Variants in TRERF1 observed in about 807,000 individuals in gnomAD.
TRERF1 encodes the protein transcriptional-regulating factor 1.
Under a neutral mutation model 122.9 loss-of-function variants are expected in TRERF1, and 27 were observed. That is an observed-to-expected ratio of 0.22 (90% CI 0.16 to 0.30). TRERF1 has a LOEUF of 0.30. Among genes scored for constraint, TRERF1 ranks in the 10% least tolerant of loss-of-function variants. The pLI is 1.00. For missense variants in TRERF1, 1,248 were observed against 1,560.3 expected (o/e 0.80, Z 3.37); for synonymous variants, 636 against 641.7 (o/e 0.99, Z 0.13).
chr6:42,341,488 G>A (rs770487864), intron 3 of TRERF1, among the ~76,000 whole-genome samples: 3 of 152,314 alleles, frequency 2.0e-5, no homozygotes, highest in South Asian at 4.1e-4. Flanking sequence ...GGTCTGCCCC[G>A]GAGTCTAAGG....
Position 42,276,557 on chromosome 6 carries a change from A to C in TRERF1, c.-258-6709T>G, listed in dbSNP as rs2149992293. Among the ~76,000 whole-genome samples, 1 of 152,302 alleles carries C rather than the reference A, an allele frequency of 6.6e-6. No individual in the cohort carries two copies. Among genetic ancestry groups the C allele is most frequent in the Middle Eastern group, 3.4e-3 (1 of 294 alleles). On this transcript the variant is annotated intron_variant, in intron 4 of 17. Coordinates refer to ENST00000372922, the Ensembl canonical transcript of TRERF1. The surrounding 1 kb of genome is among the most constrained non-coding windows in gnomAD (Gnocchi z 4.3). ...AGGCAGGAGCCAAGGGCGGCTCTCC[A>C]GGATGTGGGCCGCAGTTCGCCGTCT...
At chr6:42,277,974 A>AGAAGAAGAAGAAG (rs1161319382) in intron 4 of TRERF1, among the ~76,000 whole-genome samples, 2 of 147,002 alleles carry the variant, frequency 1.4e-5, no homozygotes, top group Non-Finnish European at 3.0e-5. Flanking sequence ...AAGAAGAAGA[A>AGAAGAAGAAGAAG]GACTGCAATA....
At chr6:42,381,479 C>G (rs890901837) in intron 2 of TRERF1, among the ~76,000 whole-genome samples, 3 of 152,014 alleles carry the variant, frequency 2.0e-5, no homozygotes, top group African/African-American at 7.3e-5. Context: ...CTTCACCTAA[C>G]GACTTCCTAG....
chr6:42,259,683 T>C lies in TRERF1; in HGVS notation c.1925A>G (p.Glu642Gly), dbSNP rs1377790314. 1.7e-5 allele frequency: 27 copies of C among 1,607,018 alleles called. No homozygotes were observed. Among genetic ancestry groups the C allele is most frequent in the Non-Finnish European group, 2.1e-5 (25 of 1,179,966 alleles). Residue 642 changes from glutamate (E) to glycine (G), a missense_variant, in exon 9 of 18, where the codon GAG (glutamate) becomes GGG (glycine). Glu to Gly is a moderately conservative substitution (Grantham distance 98). Coordinates refer to ENST00000372922, the Ensembl canonical transcript of TRERF1. The surrounding 1 kb of genome is among the most constrained non-coding windows in gnomAD (Gnocchi z 4.9). ...CTCCTGCACGGTCTTGAGGGGCTCCTCGGCTTTGGGCACACTCGGCTGATG... is the reference window on the plus strand; with the variant it reads ...CTCCTGCACGGTCTTGAGGGGCTCCCCGGCTTTGGGCACACTCGGCTGATG...
At chr6:42,233,575 A>G (rs112980673) in intron 16 of TRERF1, among the ~76,000 whole-genome samples, 7,298 of 152,058 alleles carry the variant, frequency 0.048, 385 homozygotes, top group African/African-American at 0.13. Context: ...GTGAGCCACC[A>G]CGCCTGGCCT....
At chr6:42,297,175 C>T (rs1039001771) in intron 4 of TRERF1, among the ~76,000 whole-genome samples, 8 of 152,198 alleles carry the variant, frequency 5.3e-5, no homozygotes, top group African/African-American at 1.7e-4. Flanking sequence ...AATTCCTGCC[C>T]TCCTGACTAT....
At chr6:42,437,043 G>GTCA (rs376587279) in intron 2 of TRERF1, among the ~76,000 whole-genome samples, 1 of 151,976 alleles carries the variant, frequency 6.6e-6, no homozygotes, top group East Asian at 1.9e-4. Flanking sequence ...CCATAAATAC[G>GTCA]TCATCATCAT....
intron 2 of TRERF1, among the ~76,000 whole-genome samples, chr6:42,405,547 C>A (rs750787864): frequency 3.3e-5 from 5 of 152,144 alleles, no homozygotes; most frequent in East Asian, 1.9e-4. Flanking sequence ...GTAATCCCAG[C>A]ATTTTGGGAG....
chr6:42,416,141 G>A (rs1050714486), intron 2 of TRERF1, among the ~76,000 whole-genome samples: 3 of 151,482 alleles, frequency 2.0e-5, no homozygotes, highest in African/African-American at 7.3e-5. Flanking sequence ...ACTGATTTTT[G>A]TGCATTAACT....
chr6:42,315,222 G>A (rs1762284566), intron 3 of TRERF1, among the ~76,000 whole-genome samples: 1 of 152,218 alleles, frequency 6.6e-6, no homozygotes, highest in Non-Finnish European at 1.5e-5. Context: ...GACTAGGGAA[G>A]TGCTATTGGC....
chr6:42,326,293 T>G (rs1764291488), intron 3 of TRERF1, among the ~76,000 whole-genome samples: 1 of 152,118 alleles, frequency 6.6e-6, no homozygotes, highest in Admixed American at 6.5e-5. Flanking sequence ...ATGAATCAAA[T>G]GAAACACAGA....
chr6:42,254,783 G>T, intron 13 of TRERF1, 68 bp downstream of exon 13: 2 of 1,446,798 alleles, frequency 1.4e-6, no homozygotes, highest in Non-Finnish European at 1.9e-6. Context: ...GCTAGAAAGT[G>T]ACACAACCGA....
intron 15 of TRERF1, among the ~76,000 whole-genome samples, chr6:42,241,935 A>G (rs765634717): frequency 5.3e-5 from 8 of 152,196 alleles, no homozygotes; most frequent in Non-Finnish European, 1.2e-4. Flanking sequence ...TCTCTACAAA[A>G]AATTAAAATA....
At chr6:42,411,457 C>T (rs970490753) in intron 2 of TRERF1, among the ~76,000 whole-genome samples, 6 of 152,070 alleles carry the variant, frequency 3.9e-5, no homozygotes, top group African/African-American at 1.2e-4. Flanking sequence ...ATATCAGGCA[C>T]GTTAGCAGAA....
intron 2 of TRERF1, among the ~76,000 whole-genome samples, chr6:42,450,763 A>G (rs1338560582): frequency 6.6e-6 from 1 of 152,204 alleles, no homozygotes; most frequent in African/African-American, 2.4e-5. Context: ...CTGGGTGGCC[A>G]CACTAACTTC....
intron 2 of TRERF1, among the ~76,000 whole-genome samples, chr6:42,434,381 T>TAAA (rs3997674): frequency 9.3e-4 from 128 of 137,304 alleles, no homozygotes; most frequent in African/African-American, 3.1e-3. Context: ...GTAAAATTGC[T>TAAA]AAAAAAAAAA....
intron 3 of TRERF1, among the ~76,000 whole-genome samples, chr6:42,353,357 C>T (rs1276993863): frequency 4.0e-5 from 6 of 151,804 alleles, no homozygotes; most frequent in Admixed American, 6.6e-5. Context: ...GAGGGCGAGG[C>T]GCATGGATCA....
chr6:42,232,586 T>G lies in TRERF1; in HGVS notation c.3278+95A>C. 7.0e-7 allele frequency: 1 copy of G among 1,430,176 alleles called. No individual in the cohort carries two copies. The highest frequency in any genetic ancestry group is 9.3e-7 in the Non-Finnish European group (1 of 1,080,838). 88.6% of individuals were successfully genotyped at this position (1,430,176 alleles called of 1,614,324 possible). ...GAGTTTTGAGGTCTAAGTTCTTTTT[T>G]CTGATTGAAGAAACCTCAGGCCATC... On this transcript the variant is annotated intron_variant, in intron 17 of 17. Transcript: ENST00000372922. This position sits in a 1 kb window ranked among gnomAD's most constrained non-coding sequence, Gnocchi z 4.5.
At chr6:42,287,761 C>G (rs1783527322) in intron 4 of TRERF1, among the ~76,000 whole-genome samples, 1 of 152,174 alleles carries the variant, frequency 6.6e-6, no homozygotes, top group Admixed American at 6.5e-5. Flanking sequence ...TGGCCATCTT[C>G]TCTCATTGCC....
Sources: gnomAD v4.1 joint callset for allele counts (sites outside exome capture counted in the v4.1 genomes callset) on GRCh38, gnomAD v4.1.1 for gene constraint, Gnocchi (gnomAD v3.1) non-coding constraint, MANE v1.5 for transcripts, NCBI Gene and HGNC (gene_info 2026-07-23, HGNC 2026-07-21) for gene names.